Variants in KCND3 observed in about 807,000 individuals in gnomAD.
KCND3 encodes the protein A-type voltage-gated potassium channel KCND3.
KCND3 carries 9 observed loss-of-function variants against 51.1 expected under a neutral mutation model. The observed-to-expected ratio is 0.18, with a 90% CI of 0.11 to 0.31. KCND3 has a LOEUF of 0.31. Among genes scored for constraint, KCND3 ranks in the 10% least tolerant of loss-of-function variants. The pLI, the probability that KCND3 is intolerant of heterozygous loss-of-function variation, is 1.00. For missense variants in KCND3, 526 were observed against 903.8 expected (o/e 0.58, Z 5.36); for synonymous variants, 349 against 368.0 (o/e 0.95, Z 0.59).
chr1:111,972,731 A>T (rs1674409500), intron 2 of KCND3, among the ~76,000 whole-genome samples: 1 of 152,186 alleles, frequency 6.6e-6, no homozygotes, highest in African/African-American at 2.4e-5. Context: ...ACATACTCCA[A>T]TTCCCCACTA....
intron 2 of KCND3, among the ~76,000 whole-genome samples, chr1:111,829,599 C>T (rs889946792): frequency 1.3e-5 from 2 of 152,260 alleles, no homozygotes; most frequent in South Asian, 2.1e-4. Context: ...TAAGTGTCCC[C>T]GGTCTCACTC....
intron 2 of KCND3, among the ~76,000 whole-genome samples, chr1:111,904,843 G>A (rs1000453224): frequency 2.6e-5 from 4 of 152,198 alleles, no homozygotes; most frequent in African/African-American, 9.7e-5. Flanking sequence ...ACAGGGGCTT[G>A]ACTCTGTGGA....
In KCND3 at chr1:111,795,493, T is replaced by A. The variant is rs553114942; in HGVS notation, c.1107-8387A>T. ...GTACTATTAGCCCCATTTTTGAGAT[T>A]AGGAAACTGAAGCTCAGAGAAGTTA... On this transcript the variant is annotated intron_variant, in intron 2 of 7. Transcript: ENST00000302127. 1.3e-5 allele frequency among the ~76,000 whole-genome samples: 2 copies of A among 152,320 alleles called. 1 individual carries two copies. The highest frequency in any genetic ancestry group is 4.8e-5 in the African/African-American group (2 of 41,566).
At position 111,776,522 on chromosome 1, in the gene KCND3, A is replaced by G. The variant is rs567615886; in HGVS notation, c.1767-244T>C. Among the ~76,000 whole-genome samples, 5 of 152,318 alleles carry G rather than the reference A, an allele frequency of 3.3e-5. No individual in the cohort carries two copies. The South Asian group carries it at 1.0e-3, about 32-fold the overall frequency. Reference sequence around the variant, plus strand: ...GTACATCACCCCCACCAGTGATTGTATATCTATCATTTGTGGCATTTGGCA... The same window carrying G: ...GTACATCACCCCCACCAGTGATTGTGTATCTATCATTTGTGGCATTTGGCA... On this transcript the variant is annotated intron_variant, in intron 7 of 7. Transcript: ENST00000302127.
chr1:111,967,582 C>G (rs1674078839), intron 2 of KCND3, among the ~76,000 whole-genome samples: 1 of 152,208 alleles, frequency 6.6e-6, no homozygotes, highest in Non-Finnish European at 1.5e-5. Context: ...TGCAGACTTG[C>G]ATTTCTGATG....
intron 5 of KCND3, among the ~76,000 whole-genome samples, chr1:111,779,175 C>T (rs533630363): frequency 9.9e-5 from 15 of 152,082 alleles, no homozygotes; most frequent in African/African-American, 3.4e-4. Context: ...ATAGAGTCAT[C>T]GAAGCCAGGC....
chr1:111,950,335 G>T (rs1166625956), intron 2 of KCND3, among the ~76,000 whole-genome samples: 2 of 152,114 alleles, frequency 1.3e-5, no homozygotes, highest in Non-Finnish European at 2.9e-5. Context: ...ACCTACTAAT[G>T]GGCTGGTAAC....
At chr1:111,938,211 G>C (rs1284472453) in intron 2 of KCND3, among the ~76,000 whole-genome samples, 1 of 152,198 alleles carries the variant, frequency 6.6e-6, no homozygotes, top group Non-Finnish European at 1.5e-5. Flanking sequence ...GGACCAGGGA[G>C]GGGAAGTGAC....
In KCND3 at chr1:111,799,927, G is replaced by GC. The variant is rs368204229; in HGVS notation, c.1107-12822dup. ...AGGAAGATACTAAAATGAAAATTGG[G>GC]CCCCCCCGCCTGGCCAGCCGCCCCG... On this transcript the variant is annotated intron_variant, in intron 2 of 7. Coordinates refer to ENST00000302127, the MANE Select transcript of KCND3 (RefSeq NM_001378969.1). Among the ~76,000 whole-genome samples, 750 of 152,158 alleles carry GC rather than the reference G, an allele frequency of 4.9e-3. 5 individuals are homozygous for GC. Among genetic ancestry groups the GC allele is most frequent in the African/African-American group, 0.016 (649 of 41,514 alleles).
At chr1:111,979,105 A>G (rs771452787) in intron 2 of KCND3, among the ~76,000 whole-genome samples, 3 of 152,228 alleles carry the variant, frequency 2.0e-5, no homozygotes, top group Non-Finnish European at 2.9e-5. Flanking sequence ...AAGGTAAAAC[A>G]AACTTGTTCA....
chr1:111,970,700 T>C (rs1233284471), intron 2 of KCND3, among the ~76,000 whole-genome samples: 1 of 152,218 alleles, frequency 6.6e-6, no homozygotes, highest in African/African-American at 2.4e-5. Context: ...AACCCAGTAA[T>C]GCTACTACCA....
chr1:111,960,013 T>C (rs969326768), intron 2 of KCND3, among the ~76,000 whole-genome samples: 1 of 151,584 alleles, frequency 6.6e-6, no homozygotes, highest in East Asian at 1.9e-4. Flanking sequence ...CACTCACTCT[T>C]CTCTCTCCTG....
At chr1:111,856,380 G>A (rs1209609522) in intron 2 of KCND3, among the ~76,000 whole-genome samples, 3 of 152,208 alleles carry the variant, frequency 2.0e-5, no homozygotes, top group East Asian at 1.9e-4. Flanking sequence ...CACACAGGGC[G>A]ACTGTGATCA....
chr1:111,778,405 A>C, intron 6 of KCND3, 31 bp downstream of exon 6: 1 of 1,596,090 alleles, frequency 6.3e-7, no homozygotes, highest in Non-Finnish European at 8.6e-7. Flanking sequence ...TCAGAGAGAA[A>C]AACATCAATT....
intron 2 of KCND3, among the ~76,000 whole-genome samples, chr1:111,800,019 C>A (rs964689331): frequency 7.3e-5 from 11 of 151,654 alleles, no homozygotes; most frequent in African/African-American, 2.7e-4. Flanking sequence ...CTCTGCCCGG[C>A]CACCACCCCG....
At chr1:111,890,851 A>G (rs866726694) in intron 2 of KCND3, among the ~76,000 whole-genome samples, 2 of 152,314 alleles carry the variant, frequency 1.3e-5, no homozygotes, top group Admixed American at 6.5e-5. Flanking sequence ...TGGCTCAACC[A>G]TCTCTTACCT....
chr1:111,985,569 AT>A (rs747183062), intron 1 of KCND3, among the ~76,000 whole-genome samples: 8 of 152,078 alleles, frequency 5.3e-5, no homozygotes, highest in South Asian at 4.2e-4. Context: ...TATATGTGCC[AT>A]TTTTTTTCCC....
At chr1:111,937,198 T>C (rs561569965) in intron 2 of KCND3, among the ~76,000 whole-genome samples, 2 of 152,098 alleles carry the variant, frequency 1.3e-5, no homozygotes, top group Non-Finnish European at 2.9e-5. Flanking sequence ...GAGCAGGTTT[T>C]GGGGGAGGGT....
chr1:111,911,385 G>A (rs574532646), intron 2 of KCND3, among the ~76,000 whole-genome samples: 2 of 152,292 alleles, frequency 1.3e-5, no homozygotes, highest in Admixed American at 1.3e-4. Flanking sequence ...ATTTGTTGGG[G>A]CCTGGAGACC....
Sources: gnomAD v4.1 joint callset for allele counts (sites outside exome capture counted in the v4.1 genomes callset) on GRCh38, gnomAD v4.1.1 for gene constraint, MANE v1.5 for transcripts, NCBI Gene and HGNC (gene_info 2026-07-23, HGNC 2026-07-21) for gene names.